The following HTR1F variants were observed in gnomAD, a reference collection of about 807,000 sequenced individuals.
HTR1F encodes 5-hydroxytryptamine receptor 1F, also known as 5-hydroxytryptamine (serotonin) receptor 1F, G protein-coupled.
In HTR1F, 17 loss-of-function variants were observed where a neutral mutation model predicts 24.0. The observed-to-expected ratio is 0.71, with a 90% CI of 0.48 to 1.06. The LOEUF is 1.06. Among genes scored for constraint, HTR1F ranks in the 50% least tolerant of loss-of-function variants. The pLI is 0.00. For missense variants in HTR1F, 391 were observed against 427.8 expected, an observed-to-expected ratio of 0.91 and a Z score of 0.76; for synonymous variants, 186 against 156.8, an observed-to-expected ratio of 1.19 and a Z score of -1.39.
At chr3:87,828,621 A>T (rs1704511264) in intron 2 of HTR1F, among the ~76,000 whole-genome samples, 1 of 152,250 alleles carries the variant, frequency 6.6e-6, no homozygotes, top group African/African-American at 2.4e-5. Flanking sequence ...GAGTAGCCAG[A>T]AAGAGTGAAA....
chr3:87,879,225 A>T (rs1705734210), intron 2 of HTR1F, among the ~76,000 whole-genome samples: 1 of 152,230 alleles, frequency 6.6e-6, no homozygotes, highest in Admixed American at 6.5e-5. Flanking sequence ...ATTGTTAAAC[A>T]GAATTAAAAT....
At chr3:87,917,818 G>A (rs1291392736) in intron 2 of HTR1F, among the ~76,000 whole-genome samples, 5 of 151,918 alleles carry the variant, frequency 3.3e-5, no homozygotes, top group Admixed American at 2.0e-4. Flanking sequence ...CAATCCTATT[G>A]ACACTATTCC....
At chr3:87,918,063 C>T (rs1183269774) in intron 2 of HTR1F, among the ~76,000 whole-genome samples, 1 of 151,908 alleles carries the variant, frequency 6.6e-6, no homozygotes, top group African/African-American at 2.4e-5. Context: ...GATGATTTAA[C>T]ATACACAAGT....
chr3:87,849,089 C>T (rs921229670), intron 2 of HTR1F, among the ~76,000 whole-genome samples: 2 of 151,302 alleles, frequency 1.3e-5, no homozygotes, highest in African/African-American at 4.9e-5. Flanking sequence ...ACTTTCTTCA[C>T]AGAATTGGAA....
chr3:87,966,825 T>C (rs1228816267), intron 2 of HTR1F, among the ~76,000 whole-genome samples: 2 of 152,186 alleles, frequency 1.3e-5, no homozygotes, highest in Admixed American at 1.3e-4. Context: ...AAAAATACCT[T>C]GTGCTTCCCC....
At chr3:87,966,972 A>T (rs1410005398) in intron 2 of HTR1F, among the ~76,000 whole-genome samples, 6 of 152,164 alleles carry the variant, frequency 3.9e-5, no homozygotes, top group African/African-American at 1.4e-4. Flanking sequence ...GAGTTAATGC[A>T]AATAAATTAA....
intron 2 of HTR1F, among the ~76,000 whole-genome samples, chr3:87,980,664 G>C (rs1334707824): frequency 6.0e-5 from 1 of 16,624 alleles, no homozygotes; most frequent in East Asian, 8.6e-3. Context: ...ATCATCCATG[G>C]TGCTCAGGCT....
intron 2 of HTR1F, among the ~76,000 whole-genome samples, chr3:87,941,221 T>C (rs1216961246): frequency 6.6e-6 from 1 of 152,224 alleles, no homozygotes; most frequent in Admixed American, 6.5e-5. Context: ...TGAGTTTTCT[T>C]AATCAGTGTA....
intron 2 of HTR1F, among the ~76,000 whole-genome samples, chr3:87,910,810 T>C (rs539174975): frequency 6.6e-6 from 1 of 152,020 alleles, no homozygotes; most frequent in Non-Finnish European, 1.5e-5. Context: ...AAATCAATAC[T>C]TTAAAAATTG....
At chr3:87,939,018 A>G (rs896361966) in intron 2 of HTR1F, among the ~76,000 whole-genome samples, 2 of 152,242 alleles carry the variant, frequency 1.3e-5, no homozygotes, top group African/African-American at 4.8e-5. Flanking sequence ...ATATTTGCAA[A>G]CTATGCATCT....
chr3:87,868,996 CT>C (rs767359743), intron 2 of HTR1F, among the ~76,000 whole-genome samples: 12 of 151,666 alleles, frequency 7.9e-5, no homozygotes, highest in Non-Finnish European at 1.6e-4. Context: ...TAGCATGAAC[CT>C]TTGAATTTTT....
intron 2 of HTR1F, among the ~76,000 whole-genome samples, chr3:87,895,684 A>G (rs193262488): frequency 2.4e-4 from 37 of 152,298 alleles, no homozygotes; most frequent in Non-Finnish European, 3.8e-4. Flanking sequence ...CATCATCTTT[A>G]CATTGCTCAT....
chr3:87,914,954 C>T (rs1703860753), intron 2 of HTR1F, among the ~76,000 whole-genome samples: 1 of 152,060 alleles, frequency 6.6e-6, no homozygotes, highest in African/African-American at 2.4e-5. Context: ...ACCCCCCTAC[C>T]ACCTCCACTA....
chr3:87,911,484 A>C (rs965779626), intron 2 of HTR1F, among the ~76,000 whole-genome samples: 1 of 152,138 alleles, frequency 6.6e-6, no homozygotes, highest in Non-Finnish European at 1.5e-5. Context: ...ATAGCCTATC[A>C]GGACTGGACA....
intron 2 of HTR1F, among the ~76,000 whole-genome samples, chr3:87,959,908 T>A (rs1705024911): frequency 6.6e-6 from 1 of 151,944 alleles, no homozygotes; most frequent in Non-Finnish European, 1.5e-5. Flanking sequence ...GATATCAAAC[T>A]TTAAATTGTT....
At chr3:87,867,621 C>T (rs1245668172) in intron 2 of HTR1F, among the ~76,000 whole-genome samples, 1 of 152,098 alleles carries the variant, frequency 6.6e-6, no homozygotes, top group East Asian at 1.9e-4. Context: ...TGTATGCAGT[C>T]CTCACTACAG....
intron 2 of HTR1F, among the ~76,000 whole-genome samples, chr3:87,954,455 A>G (rs1426283162): frequency 6.6e-6 from 1 of 151,766 alleles, no homozygotes; most frequent in Non-Finnish European, 1.5e-5. Context: ...TTTGATTTGT[A>G]ACTTTTAGAT....
intron 1 of HTR1F, among the ~76,000 whole-genome samples, chr3:87,805,175 G>T (rs1704053231): frequency 6.6e-6 from 1 of 150,928 alleles, no homozygotes; most frequent in African/African-American, 2.4e-5. Context: ...TATAAATTTT[G>T]TAATATGTTA....
At chr3:87,838,338 C>A (rs750788036) in intron 2 of HTR1F, among the ~76,000 whole-genome samples, 2 of 152,070 alleles carry the variant, frequency 1.3e-5, no homozygotes, top group Non-Finnish European at 2.9e-5. Flanking sequence ...CCCTTGCCAG[C>A]TACTCCAGGG....
Sources: allele counts gnomAD v4.1 joint callset (sites outside exome capture counted in the v4.1 genomes callset), GRCh38; gene constraint gnomAD v4.1.1; transcripts MANE v1.5; gene names NCBI Gene and HGNC (gene_info 2026-07-23, HGNC 2026-07-21).